The following DLC1 variants were observed in gnomAD, a reference collection of about 807,000 sequenced individuals.
DLC1 encodes DLC1 Rho GTPase activating protein, also known as rho GTPase-activating protein 7.
Under a neutral mutation model 140.3 loss-of-function variants are expected in DLC1, and 54 were observed. The observed-to-expected ratio is 0.38, with a 90% CI of 0.31 to 0.48. The LOEUF (loss-of-function observed/expected upper bound fraction) is 0.48, where lower values mean the gene tolerates loss of function less well. Among genes scored for constraint, DLC1 ranks in the 20% least tolerant of loss-of-function variants. The pLI is 0.96. For synonymous variants in DLC1, 986 were observed against 728.1 expected, an observed-to-expected ratio of 1.35 and a Z score of -5.70; for missense variants, 2,536 against 1,907.0, an observed-to-expected ratio of 1.33 and a Z score of -6.14.
intron 4 of DLC1, among the ~76,000 whole-genome samples, chr8:13,373,360 A>G (rs1283001453): frequency 1.3e-5 from 2 of 152,132 alleles, no homozygotes; most frequent in Non-Finnish European, 2.9e-5. Context: ...TGAATATTTC[A>G]GGCTTTCTGG....
At chr8:13,120,573 G>T (rs751366028) in intron 5 of DLC1, among the ~76,000 whole-genome samples, 2 of 151,532 alleles carry the variant, frequency 1.3e-5, no homozygotes, top group Non-Finnish European at 2.9e-5. Context: ...AAATTACGAG[G>T]ATGATTTTTT....
At position 13,567,756 on chromosome 8, in the gene DLC1, A is replaced by G. The variant is rs1425855048; in HGVS notation, c.-126+36781T>C. 2.6e-6 allele frequency: 4 copies of G among 1,552,084 alleles called. No individual in the cohort carries two copies. In the East Asian group the frequency reaches 9.8e-5, roughly 38 times the overall value. ...CACATCAAGACTTTCCCAGGCTTTCAGATGACCCCAGAATAATCTGGAAAA... is the reference window on the plus strand; with the variant it reads ...CACATCAAGACTTTCCCAGGCTTTCGGATGACCCCAGAATAATCTGGAAAA... On this transcript the variant is annotated intron_variant, in intron 1 of 1. Transcript: ENST00000631382.
intron 1 of DLC1, among the ~76,000 whole-genome samples, chr8:13,588,827 C>A (rs2117467159): frequency 6.6e-6 from 1 of 152,088 alleles, no homozygotes; most frequent in East Asian, 1.9e-4. Flanking sequence ...CATGGCTACT[C>A]TTCTGCTCTA....
rs377766715 is a variant in DLC1, at chr8:13,090,752, G to A, written c.3856-282C>T. 5.9e-5 allele frequency among the ~76,000 whole-genome samples: 9 copies of A among 152,070 alleles called. No individual in the cohort carries two copies. In the East Asian group the frequency reaches 7.7e-4, roughly 13 times the overall value. On this transcript the variant is annotated intron_variant, in intron 14 of 17. Coordinates refer to ENST00000276297, the MANE Select transcript of DLC1 (RefSeq NM_182643.3). The stretch of plus-strand genomic sequence containing the variant: ...TGGTCAAAGCAGGTTTCTCAGATAC[G>A]GAAGTGGATACAGCAGTTTAATTCC...
intron 5 of DLC1, among the ~76,000 whole-genome samples, chr8:13,275,247 G>A (rs908856657): frequency 2.0e-5 from 3 of 152,110 alleles, no homozygotes; most frequent in African/African-American, 4.8e-5. Context: ...TATCACAATC[G>A]CACACTTTAA....
At chr8:13,426,424 C>CCAAT (rs1838585381) in intron 2 of DLC1, among the ~76,000 whole-genome samples, 3 of 152,184 alleles carry the variant, frequency 2.0e-5, no homozygotes, top group Admixed American at 2.0e-4. Context: ...TGAATACCAA[C>CCAAT]ATCTTTTAGT....
At chr8:13,491,394 A>G (rs543468101) in intron 2 of DLC1, among the ~76,000 whole-genome samples, 1 of 152,040 alleles carries the variant, frequency 6.6e-6, no homozygotes, top group Non-Finnish European at 1.5e-5. Context: ...CATTTTTGAT[A>G]TGGACTCCCC....
chr8:13,557,524 G>A (rs1392547718), intron 1 of DLC1: 1 of 152,214 alleles, frequency 6.6e-6, no homozygotes, highest in East Asian at 1.9e-4. Context: ...GGTTCCAGGT[G>A]GACGTGATTG....
chr8:13,427,322 T>A (rs1459024716), intron 2 of DLC1, among the ~76,000 whole-genome samples: 1 of 152,142 alleles, frequency 6.6e-6, no homozygotes, highest in Non-Finnish European at 1.5e-5. Flanking sequence ...CTCATTCTGT[T>A]CTGTCCTCCT....
chr8:13,518,453 C>T (rs1004329217), upstream of DLC1, among the ~76,000 whole-genome samples: 1 of 152,182 alleles, frequency 6.6e-6, no homozygotes, highest in Non-Finnish European at 1.5e-5. Context: ...AAACAATAAA[C>T]ATTAGCTATG....
At chr8:13,448,742 T>A (rs1168363225) in intron 2 of DLC1, among the ~76,000 whole-genome samples, 1 of 152,214 alleles carries the variant, frequency 6.6e-6, no homozygotes, top group African/African-American at 2.4e-5. Context: ...TAGTGTTCAG[T>A]GCTTAATTTT....
chr8:13,228,656 A>G (rs945957406), intron 5 of DLC1, among the ~76,000 whole-genome samples: 4 of 152,220 alleles, frequency 2.6e-5, no homozygotes, highest in African/African-American at 7.2e-5. Context: ...AGGCTGAGGC[A>G]AGAAGATTGC....
chr8:13,288,688 G>C (rs1361709244), intron 5 of DLC1, among the ~76,000 whole-genome samples: 2 of 152,234 alleles, frequency 1.3e-5, no homozygotes, highest in African/African-American at 2.4e-5. Context: ...AGGAGATCCT[G>C]AGACAACTCA....
At chr8:13,567,607 AG>A in intron 1 of DLC1, 1 of 1,551,780 alleles carries the variant, frequency 6.4e-7, no homozygotes, top group Admixed American at 2.0e-5. Flanking sequence ...TAACAGGAAA[AG>A]AGCGGAGCTG....
intron 2 of DLC1, among the ~76,000 whole-genome samples, chr8:13,461,584 C>T (rs574544728): frequency 4.4e-4 from 67 of 152,260 alleles, no homozygotes; most frequent in African/African-American, 1.5e-3. Flanking sequence ...TTGTCCTTTT[C>T]TGAGATATAA....
intron 1 of DLC1, among the ~76,000 whole-genome samples, chr8:13,599,869 A>G (rs73563488): frequency 0.047 from 7,183 of 152,068 alleles, 545 homozygotes; most frequent in African/African-American, 0.16. Flanking sequence ...ACTAAAATGT[A>G]TAGTTGAGAA....
At chr8:13,342,896 A>G (rs894582784) in intron 4 of DLC1, 2 of 150,960 alleles carry the variant, frequency 1.3e-5, no homozygotes, top group Non-Finnish European at 2.9e-5. Context: ...GTTTCTCTGG[A>G]GAATCCTAAT....
chr8:13,186,724 A>G (rs1826391256), intron 5 of DLC1, among the ~76,000 whole-genome samples: 1 of 152,224 alleles, frequency 6.6e-6, no homozygotes, highest in Non-Finnish European at 1.5e-5. Flanking sequence ...TTGGAGGAGA[A>G]GAGGCACTCT....
At chr8:13,507,941 T>C (rs943619775) in intron 1 of DLC1, among the ~76,000 whole-genome samples, 6 of 152,214 alleles carry the variant, frequency 3.9e-5, no homozygotes, top group Non-Finnish European at 7.3e-5. Flanking sequence ...ATTTTATTGT[T>C]AACCCATTTT....
Sources: allele counts gnomAD v4.1 joint callset (sites outside exome capture counted in the v4.1 genomes callset), GRCh38; gene constraint gnomAD v4.1.1; transcripts MANE v1.5; gene names NCBI Gene and HGNC (gene_info 2026-07-23, HGNC 2026-07-21).